The following MS4A18 variants were observed in gnomAD, a reference collection of about 807,000 sequenced individuals.
MS4A18 encodes membrane-spanning 4-domains subfamily A member 18.
MS4A18 carries 27 observed loss-of-function variants against 13.1 expected under a neutral mutation model. The observed-to-expected ratio is 2.06, with a 90% CI of 1.52 to 2.84. The LOEUF is 2.84. Among genes scored for constraint, MS4A18 ranks in the 30% most tolerant of loss-of-function variants. MS4A18 has a pLI of 0.00. For synonymous variants in MS4A18, 126 were observed against 76.5 expected, an observed-to-expected ratio of 1.65 and a Z score of -3.38; for missense variants, 307 against 196.4, an observed-to-expected ratio of 1.56 and a Z score of -3.37.
intron 3 of MS4A18, among the ~76,000 whole-genome samples, chr11:60,738,620 T>C (rs1278741399): frequency 6.6e-6 from 1 of 151,982 alleles, no homozygotes; most frequent in Admixed American, 6.6e-5. Context: ...CTAGGCTTAA[T>C]ACCTGGGTTA....
intron 3 of MS4A18, among the ~76,000 whole-genome samples, chr11:60,738,287 T>G (rs7924549): frequency 0.035 from 5,297 of 152,250 alleles, 296 homozygotes; most frequent in African/African-American, 0.12. Flanking sequence ...CAAAGTTGAA[T>G]ATGAGAATTT....
rs10459032 is a variant in MS4A18 at position 60,738,996 on chromosome 11, C to T, written c.743C>T (p.Thr248Met). 1.5e-3 allele frequency: 1,047 copies of T among 702,976 alleles called. 15 individuals carry two copies. The East Asian group carries it at 0.022, about 15-fold the overall frequency. The allele number at this position is 702,976 out of a possible 1,614,324, so 43.5% of individuals were successfully genotyped here. A position where few individuals can be genotyped will look rare whatever the true frequency, so the allele number is the denominator to read the frequency against. The change falls in exon 4 of 6, where the codon ACG becomes ATG. Residue 248 changes from threonine to methionine, a missense_variant and splice_region_variant. Physicochemically the swap from Thr to Met is moderately conservative, Grantham distance 81. Coordinates refer to ENST00000529108, the Ensembl canonical transcript of MS4A18. ...ACAGATCTGAGCCTTTACTATGTGA[C>T]GGTGAGCATCTGACTGCCAGGGCCC...
At chr11:60,744,248 G>A, downstream of MS4A18, 4 of 445,492 alleles carry the variant, frequency 9.0e-6, no homozygotes, top group Middle Eastern at 6.4e-4. Context: ...AAAGTTCAGG[G>A]TGCATTTTGG....
chr11:60,733,058 C>T (rs1349159396), intron 1 of MS4A18, among the ~76,000 whole-genome samples: 2 of 152,228 alleles, frequency 1.3e-5, no homozygotes. Context: ...ACGATGTTAA[C>T]ATCACGTGTA....
exon 6 of MS4A18, chr11:60,743,891 C>T: frequency 1.4e-6 from 1 of 703,154 alleles, no homozygotes. Flanking sequence ...AATGTGACAA[C>T]TGGCCCCGTT....
intron 2 of MS4A18, among the ~76,000 whole-genome samples, chr11:60,733,878 C>G (rs1853295884): frequency 6.9e-6 from 1 of 145,884 alleles, no homozygotes; most frequent in South Asian, 2.2e-4. Flanking sequence ...CTCTAGGGAA[C>G]TATTGGGTAC....
chr11:60,725,974 T>C (rs1283494427), upstream of MS4A18, among the ~76,000 whole-genome samples: 1 of 152,236 alleles, frequency 6.6e-6, no homozygotes, highest in African/African-American at 2.4e-5. Context: ...CAAGGTCTAA[T>C]GCAGAAGTGG....
chr11:60,729,894 T>A, intron 1 of MS4A18, 108 bp downstream of exon 2: 1 of 610,290 alleles, frequency 1.6e-6, no homozygotes, highest in East Asian at 2.7e-5. Flanking sequence ...GGAGGTGGAG[T>A]GGGTGTGGGG....
At chr11:60,726,233 G>A (rs1257389250), upstream of MS4A18, among the ~76,000 whole-genome samples, 1 of 152,170 alleles carries the variant, frequency 6.6e-6, no homozygotes, top group East Asian at 1.9e-4. Flanking sequence ...AGAAGACAGG[G>A]GTGAATGCCT....
chr11:60,736,613 C>T (rs1412018148), intron 2 of MS4A18, among the ~76,000 whole-genome samples: 1 of 152,090 alleles, frequency 6.6e-6, no homozygotes, highest in Non-Finnish European at 1.5e-5. Context: ...GATAGGGCAG[C>T]GGAGGCCAAA....
Position 60,730,894 on chromosome 11 carries a change from A to G in MS4A18, c.477+1102A>G, listed in dbSNP as rs182773028. Among the ~76,000 whole-genome samples the G allele has an allele frequency of 5.3e-5, 8 of 152,344 alleles. No homozygotes were observed. In the East Asian group the frequency reaches 1.3e-3, roughly 26 times the overall value. On this transcript the variant is annotated intron_variant, in intron 1 of 5. Transcript: ENST00000529108. Reference sequence around the variant, plus strand: ...CAGATTACAAGGTCAGGAAATCGAGACCATCCTGGCTAACATGGTGAAACC... The same window carrying G: ...CAGATTACAAGGTCAGGAAATCGAGGCCATCCTGGCTAACATGGTGAAACC...
chr11:60,738,121 G>C (rs1017377727), intron 3 of MS4A18, among the ~76,000 whole-genome samples: 1 of 152,146 alleles, frequency 6.6e-6, no homozygotes, highest in Middle Eastern at 3.2e-3. Context: ...TCTCACAGCT[G>C]TCCTGGCCTC....
At chr11:60,735,880 T>C (rs1412029968) in intron 2 of MS4A18, among the ~76,000 whole-genome samples, 1 of 151,470 alleles carries the variant, frequency 6.6e-6, no homozygotes, top group Non-Finnish European at 1.5e-5. Context: ...GCCAGGCTGG[T>C]CTCAAACTCC....
At chr11:60,738,737 A>G (rs1428680835) in intron 3 of MS4A18, among the ~76,000 whole-genome samples, 165 bp from the exon 5 acceptor site, 1 of 151,610 alleles carries the variant, frequency 6.6e-6, no homozygotes, top group Middle Eastern at 3.2e-3. Flanking sequence ...AAAAGCAATG[A>G]TTTTTCTCAC....
At chr11:60,739,993 C>T (rs900689056) in intron 4 of MS4A18, among the ~76,000 whole-genome samples, 3 of 152,166 alleles carry the variant, frequency 2.0e-5, no homozygotes, top group African/African-American at 7.2e-5. Flanking sequence ...CCCTGAAGGC[C>T]CCAGGAAGAA....
In MS4A18 at chr11:60,729,475, A is replaced by G. The variant is rs538085160; in HGVS notation, c.160A>G (p.Thr54Ala). ...CTCACCAAAAGTAATCCACTGTGAT[A>G]CAGGAAGAGCAAACTTACAGAATCT... The change falls in exon 1 of 6, where the codon ACA (threonine) becomes GCA (alanine). Residue 54 changes from threonine (T) to alanine (A), a missense_variant. Thr to Ala is a moderately conservative substitution (Grantham distance 58). Coordinates refer to ENST00000529108, the Ensembl canonical transcript of MS4A18. 6.7e-5 allele frequency: 47 copies of G among 702,878 alleles called. No homozygotes were observed. In the African/African-American group the frequency reaches 7.3e-4, roughly 11 times the overall value. The allele number at this position is 702,878 out of a possible 1,614,324, so 43.5% of individuals were successfully genotyped here. A position where few individuals can be genotyped will look rare whatever the true frequency, so the allele number is the denominator to read the frequency against.
intron 5 of MS4A18, 45 bp downstream of exon 6, chr11:60,741,188 T>C (rs2134682035): frequency 4.3e-6 from 3 of 702,708 alleles, no homozygotes; most frequent in East Asian, 2.7e-5. Flanking sequence ...TGCTCTGGAG[T>C]TGGGTGTGGG....
At chr11:60,744,258 G>A, downstream of MS4A18, 1 of 420,062 alleles carries the variant, frequency 2.4e-6, no homozygotes, top group Non-Finnish European at 4.3e-6. Flanking sequence ...GTGCATTTTG[G>A]TTCCGTGGTT....
intron 1 of MS4A18, among the ~76,000 whole-genome samples, chr11:60,731,741 G>T (rs114516762): frequency 0.024 from 3,689 of 152,250 alleles, 145 homozygotes; most frequent in African/African-American, 0.077. Context: ...GTTGGCCAAA[G>T]ATTCATTTGA....
Sources: allele counts gnomAD v4.1 joint callset (sites outside exome capture counted in the v4.1 genomes callset), GRCh38; gene constraint gnomAD v4.1.1; transcripts MANE v1.5; gene names NCBI Gene and HGNC (gene_info 2026-07-23, HGNC 2026-07-21).